DCBLD1: variants seen among roughly 807,000 people sequenced by gnomAD.
DCBLD1 encodes the protein discoidin, CUB and LCCL domain containing 1.
Under a neutral mutation model 71.5 loss-of-function variants are expected in DCBLD1, and 57 were observed. The observed-to-expected ratio is 0.80, with a 90% CI of 0.64 to 0.99. DCBLD1 has a LOEUF of 0.99. Among genes scored for constraint, DCBLD1 ranks in the 50% least tolerant of loss-of-function variants. The pLI, the probability that DCBLD1 is intolerant of heterozygous loss-of-function variation, is 0.00. For synonymous variants in DCBLD1, 380 were observed against 363.8 expected, an observed-to-expected ratio of 1.04 and a Z score of -0.51; for missense variants, 891 against 923.5, an observed-to-expected ratio of 0.96 and a Z score of 0.46.
intron 2 of DCBLD1, among the ~76,000 whole-genome samples, chr6:117,509,248 A>G (rs1481375278): frequency 6.6e-6 from 1 of 152,154 alleles, no homozygotes; most frequent in Non-Finnish European, 1.5e-5. Flanking sequence ...GTTGGACAAC[A>G]TGGCAACCCC....
chr6:117,547,236 C>T (rs567679718), intron 14 of DCBLD1, among the ~76,000 whole-genome samples: 44 of 152,300 alleles, frequency 2.9e-4, no homozygotes, highest in African/African-American at 9.6e-4. Flanking sequence ...GCGTGGCTAA[C>T]AGCATATACT....
chr6:117,525,435 G>A lies in DCBLD1; in HGVS notation c.585+1G>A. On this transcript the variant is annotated splice_donor_variant, in intron 5 of 14. Transcript: ENST00000338728. LOFTEE classifies it high-confidence loss of function. ...GAATATGGTAGATGGATATAGAGAT[G>A]TAAGTAATTGAGGGTAATGGCAGAG... is the stretch of plus-strand genomic sequence containing the variant. 1 of 1,480,550 alleles carries A rather than the reference G, an allele frequency of 6.8e-7. No homozygotes were observed. Among genetic ancestry groups the A allele is most frequent in the Non-Finnish European group, 9.0e-7 (1 of 1,112,846 alleles). 91.7% of individuals were successfully genotyped at this position (1,480,550 alleles called of 1,614,324 possible).
At chr6:117,493,330 A>G (rs374300361) in intron 1 of DCBLD1, among the ~76,000 whole-genome samples, 1 of 152,198 alleles carries the variant, frequency 6.6e-6, no homozygotes, top group Non-Finnish European at 1.5e-5. Context: ...GAGAAGTAGC[A>G]CTTTAATACA....
intron 2 of DCBLD1, among the ~76,000 whole-genome samples, chr6:117,506,222 C>T (rs1054311072): frequency 6.6e-6 from 1 of 151,974 alleles, no homozygotes; most frequent in African/African-American, 2.4e-5. Context: ...GAAACCGAGG[C>T]ACAGTGTGAT....
chr6:117,527,556 G>A (rs893111657), intron 5 of DCBLD1, among the ~76,000 whole-genome samples: 2 of 152,186 alleles, frequency 1.3e-5, no homozygotes, highest in Non-Finnish European at 1.5e-5. Flanking sequence ...GGTTTATTCT[G>A]TGTTGCTCCA....
intron 14 of DCBLD1, chr6:117,563,043 A>G (rs1779617897): frequency 5.8e-6 from 3 of 516,758 alleles, no homozygotes; most frequent in Non-Finnish European, 1.0e-5. Context: ...GAAAATCAAA[A>G]TTGCTTTACA....
rs984025537 is a variant in DCBLD1, at chr6:117,519,724, A to T, written c.326-92A>T. On this transcript the variant is annotated intron_variant, in intron 2 of 14. Transcript: ENST00000338728. ...TAATCATACATATGTATTGTCTAGTAAATTTGGCCTTTCAAGGAAAAAAAT... is the reference window on the plus strand; with the variant it reads ...TAATCATACATATGTATTGTCTAGTTAATTTGGCCTTTCAAGGAAAAAAAT... 5 of 1,509,634 alleles carry T rather than the reference A, an allele frequency of 3.3e-6. No individual in the cohort carries two copies. The African/African-American group carries it at 6.9e-5, about 21-fold the overall frequency. The allele number at this position is 1,509,634 out of a possible 1,614,324, so 93.5% of individuals were successfully genotyped here.
At chr6:117,542,952 G>T (rs1779148518) in intron 11 of DCBLD1, among the ~76,000 whole-genome samples, 172 bp from the exon 12 acceptor site, 1 of 152,136 alleles carries the variant, frequency 6.6e-6, no homozygotes, top group Non-Finnish European at 1.5e-5. Context: ...CTTTAGCCAG[G>T]ATTTTGAATC....
In DCBLD1 at chr6:117,538,845, A is replaced by T. The variant is rs747988538; in HGVS notation, c.976+10A>T. 6.2e-7 allele frequency: 1 copy of T among 1,605,584 alleles called. No homozygotes were observed. Among genetic ancestry groups the T allele is most frequent in the Non-Finnish European group, 8.5e-7 (1 of 1,175,800 alleles). ...AAAAAGAAAATAACAGGTGCAGAAA[A>T]TAACACAAGTGCCAAGTGCAGGAGT... On this transcript the variant is annotated intron_variant, in intron 8 of 14. Transcript: ENST00000338728.
At chr6:117,522,524 C>T (rs897524662) in intron 4 of DCBLD1, among the ~76,000 whole-genome samples, 1 of 152,040 alleles carries the variant, frequency 6.6e-6, no homozygotes. Context: ...TCACTACAGC[C>T]TCAAACTCCA....
chr6:117,510,493 A>G (rs1777983259), intron 2 of DCBLD1, among the ~76,000 whole-genome samples: 1 of 152,164 alleles, frequency 6.6e-6, no homozygotes. Flanking sequence ...CTAAAGTTTC[A>G]GTAGAGCATC....
chr6:117,486,849 A>G (rs767136347), intron 1 of DCBLD1, among the ~76,000 whole-genome samples: 3 of 152,230 alleles, frequency 2.0e-5, no homozygotes, highest in Non-Finnish European at 4.4e-5. Context: ...GCCACACAGC[A>G]GGATGTGAGC....
intron 2 of DCBLD1, among the ~76,000 whole-genome samples, chr6:117,509,793 A>G (rs1385076771): frequency 2.0e-5 from 3 of 152,150 alleles, no homozygotes; most frequent in African/African-American, 7.2e-5. Flanking sequence ...TGGTAATCCA[A>G]GAGTTTGCCC....
Position 117,548,158 on chromosome 6 carries a change from G to C in DCBLD1, c.1867G>C (p.Val623Leu). The C allele has an allele frequency of 1.3e-6, 2 of 1,550,162 alleles. No individual in the cohort carries two copies. The highest frequency in any genetic ancestry group is 8.7e-7 in the Non-Finnish European group (1 of 1,146,802). ...GTTCTCTGCGCAGAGCGGCTACCGC[G>C]TCCCAGGGCCCCAGCCCGGCCACAA... ...HTFSAQSGYR[V>L]PGPQPGHKHS... The change falls in exon 15 of 15, where the codon GTC (valine) becomes CTC (leucine). Residue 623 changes from valine to leucine, a missense_variant. Physicochemically the swap from Val to Leu is conservative, Grantham distance 32 (BLOSUM62 1). Transcript: ENST00000338728.
chr6:117,531,065 C>T (rs1156742035), intron 5 of DCBLD1, among the ~76,000 whole-genome samples: 1 of 152,082 alleles, frequency 6.6e-6, no homozygotes, highest in African/African-American at 2.4e-5. Flanking sequence ...AATATGAACT[C>T]TCTAAATTGA....
chr6:117,555,487 A>G (rs896913520), intron 14 of DCBLD1, among the ~76,000 whole-genome samples: 1 of 152,176 alleles, frequency 6.6e-6, no homozygotes, highest in Admixed American at 6.5e-5. Flanking sequence ...AGTGAGCATG[A>G]CACATCCTCA....
intron 14 of DCBLD1, among the ~76,000 whole-genome samples, chr6:117,558,690 TC>T (rs1419992519): frequency 6.6e-6 from 1 of 152,190 alleles, no homozygotes; most frequent in African/African-American, 2.4e-5. Context: ...CATGCTTAAT[TC>T]CTCTAGCAAT....
At chr6:117,529,072 C>A (rs939564242) in intron 5 of DCBLD1, among the ~76,000 whole-genome samples, 3 of 152,206 alleles carry the variant, frequency 2.0e-5, no homozygotes, top group African/African-American at 7.2e-5. Context: ...GACCTCCTGA[C>A]CTTGTATCCA....
At position 117,482,733 on chromosome 6, in the gene DCBLD1, G is replaced by A. The variant is rs1237783406; in HGVS notation, c.-49G>A. The A allele has an allele frequency of 3.6e-6, 4 of 1,116,192 alleles. No individual in the cohort carries two copies. Among genetic ancestry groups the A allele is most frequent in the Non-Finnish European group, 4.4e-6 (4 of 914,620 alleles). The allele number at this position is 1,116,192 out of a possible 1,614,324, so 69.1% of individuals were successfully genotyped here. ...CCCGGCCCGGGCAGCTGCGGCTCGG[G>A]ATCCGTCGAGGGGAGGCCGAGCTTG... On this transcript the variant is annotated 5_prime_UTR_variant, in exon 1 of 15. Coordinates refer to ENST00000338728, the MANE Select transcript of DCBLD1 (RefSeq NM_001366458.2).
Sources: allele counts gnomAD v4.1 joint callset (sites outside exome capture counted in the v4.1 genomes callset), GRCh38; gene constraint gnomAD v4.1.1; transcripts MANE v1.5; gene names NCBI Gene and HGNC (gene_info 2026-07-23, HGNC 2026-07-21).